The following THNSL1 variants were observed in gnomAD, a reference collection of about 807,000 sequenced individuals.
THNSL1 encodes the protein threonine synthase-like 1.
Under a neutral mutation model 50.4 loss-of-function variants are expected in THNSL1, and 48 were observed. The observed-to-expected ratio is 0.95, with a 90% CI of 0.76 to 1.21. THNSL1 has a LOEUF of 1.21. THNSL1 is among the 50% of genes most tolerant of loss of function. The pLI is 0.00. For synonymous variants in THNSL1, 309 were observed against 306.1 expected, an observed-to-expected ratio of 1.01 and a Z score of -0.10; for missense variants, 896 against 871.7, an observed-to-expected ratio of 1.03 and a Z score of -0.35.
chr10:24,964,687 T>A, the THNSL1 span, among the ~76,000 whole-genome samples: 1 of 152,216 alleles, frequency 6.6e-6, no homozygotes, highest in East Asian at 1.9e-4. Flanking sequence ...CTTATGACTA[T>A]CCACAGTAAT....
chr10:24,981,460 C>A, the THNSL1 span, among the ~76,000 whole-genome samples: 2 of 152,144 alleles, frequency 1.3e-5, no homozygotes, highest in African/African-American at 4.8e-5. Flanking sequence ...AAGAGATTAA[C>A]CAGGCTAGGC....
At chr10:25,017,348 C>T (rs1230977946) in intron 1 of THNSL1, among the ~76,000 whole-genome samples, 1 of 152,114 alleles carries the variant, frequency 6.6e-6, no homozygotes, top group East Asian at 1.9e-4. Flanking sequence ...GTTTAAAAGA[C>T]ATTTTGGTAA....
At chr10:25,003,193 T>C in the THNSL1 span, among the ~76,000 whole-genome samples, 3,792 of 151,720 alleles carry the variant, frequency 0.025, 156 homozygotes, top group African/African-American at 0.087. Context: ...TTTATTTATT[T>C]ATTCATTTAT....
At chr10:25,002,368 T>C in the THNSL1 span, among the ~76,000 whole-genome samples, 1 of 152,224 alleles carries the variant, frequency 6.6e-6, no homozygotes, top group Non-Finnish European at 1.5e-5. Context: ...TGCTGTGAAT[T>C]CTAGCAGCTT....
At chr10:24,988,452 T>C in the THNSL1 span, among the ~76,000 whole-genome samples, 4 of 146,208 alleles carry the variant, frequency 2.7e-5, no homozygotes, top group African/African-American at 7.4e-5. Flanking sequence ...ATTGTACATA[T>C]GTTATATATA....
chr10:24,980,174 C>T, the THNSL1 span, among the ~76,000 whole-genome samples: 17 of 152,284 alleles, frequency 1.1e-4, no homozygotes, highest in African/African-American at 4.1e-4. Flanking sequence ...CTGCTTAAAA[C>T]GCATCAGTGG....
At chr10:24,987,943 G>A in the THNSL1 span, among the ~76,000 whole-genome samples, 1 of 151,978 alleles carries the variant, frequency 6.6e-6, no homozygotes, top group Non-Finnish European at 1.5e-5. Flanking sequence ...ATTAACGGCT[G>A]GGCAGATTGG....
At chr10:25,022,870 T>C (rs920265933) in intron 2 of THNSL1, among the ~76,000 whole-genome samples, 2 of 152,228 alleles carry the variant, frequency 1.3e-5, no homozygotes, top group Admixed American at 6.5e-5. Context: ...ATATATACTT[T>C]TAAAAGCATC....
the THNSL1 span, chr10:24,952,598 A>G: frequency 7.2e-7 from 1 of 1,391,948 alleles, no homozygotes; most frequent in Admixed American, 2.1e-5. The surrounding 1 kb of genome is among the most constrained non-coding windows in gnomAD (Gnocchi z 5.1). Flanking sequence ...GAACGCGGGA[A>G]GGGAAGACGG....
the THNSL1 span, among the ~76,000 whole-genome samples, chr10:24,967,911 G>T: frequency 6.6e-6 from 1 of 151,006 alleles, no homozygotes; most frequent in Non-Finnish European, 1.5e-5. Flanking sequence ...TGATGTATGT[G>T]TATACGTGTG....
the THNSL1 span, among the ~76,000 whole-genome samples, chr10:24,965,920 G>C: frequency 6.6e-6 from 1 of 152,212 alleles, no homozygotes; most frequent in Non-Finnish European, 1.5e-5. Context: ...GCATTTAGTA[G>C]AGGTTGTGTA....
the THNSL1 span, among the ~76,000 whole-genome samples, chr10:24,967,766 G>A: frequency 1.3e-5 from 2 of 151,564 alleles, no homozygotes; most frequent in Non-Finnish European, 2.9e-5. Context: ...GTATATGCAC[G>A]ATGTGTGTAT....
the THNSL1 span, among the ~76,000 whole-genome samples, chr10:24,979,116 C>T: frequency 1.9e-4 from 29 of 152,228 alleles, 1 homozygote; most frequent in African/African-American, 6.0e-4. Context: ...TGGAAAGGAG[C>T]GAAATTAGGT....
the THNSL1 span, chr10:24,995,519 T>G: frequency 1.5e-5 from 13 of 847,938 alleles, no homozygotes; most frequent in East Asian, 2.6e-5. Flanking sequence ...TGCAGAAGAA[T>G]GAGAATCAGC....
chr10:24,997,271 C>T, the THNSL1 span, among the ~76,000 whole-genome samples: 2 of 152,150 alleles, frequency 1.3e-5, no homozygotes, highest in East Asian at 3.9e-4. Context: ...AAGCAAAAAT[C>T]AACTAATCCT....
chr10:24,965,273 G>C, the THNSL1 span, among the ~76,000 whole-genome samples: 7 of 152,136 alleles, frequency 4.6e-5, no homozygotes, highest in Non-Finnish European at 1.0e-4. Context: ...TGTGACTGTT[G>C]TGATGATTAT....
chr10:24,986,710 G>A, the THNSL1 span, among the ~76,000 whole-genome samples: 1 of 152,162 alleles, frequency 6.6e-6, no homozygotes, highest in Non-Finnish European at 1.5e-5. Flanking sequence ...ATCTTCCAGT[G>A]TGTACAATAA....
rs1850803650 is a variant in THNSL1 at position 25,024,610 on chromosome 10, A to G, written c.1387A>G (p.Thr463Ala). ...TGGCTTTCTTACTGTGGAATATGGA[A>G]CAATCTTAAGTTCGGCTAACTCCAT... is the stretch of plus-strand genomic sequence containing the variant. ...FTGFLTVEYG[T>A]ILSSANSINW... The change falls in exon 3 of 3, where the codon ACA (threonine) becomes GCA (alanine). Residue 463 changes from threonine (T) to alanine (A), a missense_variant. Thr to Ala is a moderately conservative substitution (Grantham distance 58). Transcript: ENST00000376356. The G allele has an allele frequency of 6.2e-7, 1 of 1,614,230 alleles. No individual in the cohort carries two copies. Among genetic ancestry groups the G allele is most frequent in the Non-Finnish European group, 8.5e-7 (1 of 1,180,042 alleles).
Position 25,024,661 on chromosome 10 carries a change from G to T in THNSL1, c.1438G>T (p.Val480Leu). 1 of 1,614,200 alleles carries T rather than the reference G, an allele frequency of 6.2e-7. No individual in the cohort carries two copies. Among genetic ancestry groups the T allele is most frequent in the African/African-American group, 1.3e-5 (1 of 75,064 alleles). Residue 480 changes from valine (V) to leucine (L), a missense_variant, in exon 3 of 3, where the codon GTA (valine) becomes TTA (leucine). Transcript: ENST00000376356. ...SINWGRLLPQ[V>L]VYHASAYLDL... Reference sequence around the variant, plus strand: ...AAACTGGGGCCGACTACTTCCGCAGGTAGTTTATCATGCTTCCGCATATCT... The same window carrying T: ...AAACTGGGGCCGACTACTTCCGCAGTTAGTTTATCATGCTTCCGCATATCT...
Sources: gnomAD v4.1 joint callset for allele counts (sites outside exome capture counted in the v4.1 genomes callset) on GRCh38, gnomAD v4.1.1 for gene constraint, Gnocchi (gnomAD v3.1) non-coding constraint, MANE v1.5 for transcripts, NCBI Gene and HGNC (gene_info 2026-07-23, HGNC 2026-07-21) for gene names.